DIAPH2: variants seen among roughly 807,000 people sequenced by gnomAD.
DIAPH2 encodes the protein diaphanous related formin 2.
A neutral mutation model predicts 92.7 loss-of-function variants in DIAPH2; 35 were observed. That is an observed-to-expected ratio of 0.38 (90% CI 0.29 to 0.50). The LOEUF is 0.50. Among genes scored for constraint, DIAPH2 ranks in the 20% least tolerant of loss-of-function variants. DIAPH2 has a pLI of 0.94. For missense variants in DIAPH2, 701 were observed against 819.5 expected (o/e 0.86, Z 1.77); for synonymous variants, 301 against 280.4 (o/e 1.07, Z -0.73).
intron 4 of DIAPH2, among the ~76,000 whole-genome samples, chrX:96,875,050 AC>A (rs971172439): frequency 8.9e-6 from 1 of 112,139 alleles, no homozygotes; most frequent in African/African-American, 3.2e-5. Flanking sequence ...TGTGGCCAAA[AC>A]TTTGTTTCAT....
At chrX:97,398,741 A>AT (rs1402119361) in intron 25 of DIAPH2, among the ~76,000 whole-genome samples, 1,805 of 95,908 alleles carry the variant, frequency 0.019, 46 homozygotes, top group African/African-American at 0.058. Context: ...GAAGGATGTG[A>AT]TTTTTTTTTT....
chrX:96,729,247 G>A (rs957270928), intron 1 of DIAPH2, among the ~76,000 whole-genome samples: 7 of 112,031 alleles, frequency 6.2e-5, no homozygotes, highest in Admixed American at 3.8e-4. Flanking sequence ...GCGGTTCCCA[G>A]CTTGAAGAGG....
intron 24 of DIAPH2, among the ~76,000 whole-genome samples, chrX:97,379,736 G>C (rs2069535299): frequency 8.9e-6 from 1 of 111,896 alleles, no homozygotes; most frequent in African/African-American, 3.2e-5. Context: ...CTCTGGAATA[G>C]GAAGCCATTA....
At chrX:96,921,689 C>T (rs2065544737) in intron 9 of DIAPH2, among the ~76,000 whole-genome samples, 1 of 91,194 alleles carries the variant, frequency 1.1e-5, no homozygotes, top group Non-Finnish European at 2.2e-5. Flanking sequence ...TTGTTCTCTA[C>T]CTTTATGGTT....
intron 1 of DIAPH2, among the ~76,000 whole-genome samples, chrX:96,696,964 A>G (rs137937546): frequency 1.1e-3 from 124 of 111,812 alleles, no homozygotes; most frequent in African/African-American, 3.9e-3. Context: ...TATGACCATA[A>G]GTCCCATCGT....
intron 17 of DIAPH2, among the ~76,000 whole-genome samples, chrX:97,068,408 G>T (rs2066647123): frequency 9.0e-6 from 1 of 111,386 alleles, no homozygotes; most frequent in Non-Finnish European, 1.9e-5. Context: ...TGTTATTTTT[G>T]TTTTTTAATA....
At chrX:97,438,861 A>G in intron 26 of DIAPH2, among the ~76,000 whole-genome samples, 1 of 112,151 alleles carries the variant, frequency 8.9e-6, no homozygotes, top group South Asian at 3.7e-4. Context: ...ACTAATAATT[A>G]TGCCAAATTT....
At chrX:97,378,128 A>G (rs1010944826) in intron 24 of DIAPH2, among the ~76,000 whole-genome samples, 5 of 110,220 alleles carry the variant, frequency 4.5e-5, no homozygotes. Flanking sequence ...CACACCTACA[A>G]TCCCAGCACT....
chrX:97,181,489 G>A lies in DIAPH2; in HGVS notation c.2719+39695G>A, dbSNP rs748927779. Among the ~76,000 whole-genome samples the A allele has an allele frequency of 5.4e-5, 6 of 111,758 alleles. No individual in the cohort carries two copies. The South Asian group carries it at 1.1e-3, about 21-fold the overall frequency. Reference sequence around the variant, plus strand: ...TGCAATGGTACAATCTTGGCTCACCGCAACCTCCGTCTCCCAGGTTCAAGC... The same window carrying A: ...TGCAATGGTACAATCTTGGCTCACCACAACCTCCGTCTCCCAGGTTCAAGC... On this transcript the variant is annotated intron_variant, in intron 22 of 26. Transcript: ENST00000324765.
chrX:97,103,628 T>C lies in DIAPH2; in HGVS notation c.2349+3833T>C, dbSNP rs1340250706. Among the ~76,000 whole-genome samples the C allele has an allele frequency of 2.7e-5, 3 of 112,016 alleles. No individual in the cohort carries two copies. The East Asian group carries it at 8.4e-4, about 31-fold the overall frequency. On this transcript the variant is annotated intron_variant, in intron 20 of 26. Coordinates refer to ENST00000324765, the MANE Select transcript of DIAPH2 (RefSeq NM_006729.5). The stretch of plus-strand genomic sequence containing the variant: ...ACCATTACAATATACATTTATCTTG[T>C]TTTTCCCGCTACCACTTTTGCCCTT...
At chrX:97,009,752 G>C (rs761468630) in intron 17 of DIAPH2, among the ~76,000 whole-genome samples, 2 of 111,941 alleles carry the variant, frequency 1.8e-5, no homozygotes, top group Non-Finnish European at 3.8e-5. Context: ...TGCAGTGGGG[G>C]CTTTAGGACT....
chrX:96,851,971 T>C (rs1454790684), intron 4 of DIAPH2, among the ~76,000 whole-genome samples: 1 of 112,174 alleles, frequency 8.9e-6, no homozygotes, highest in East Asian at 2.8e-4. Flanking sequence ...ATGATCGTAT[T>C]TTTTTGCTAT....
At chrX:97,103,080 T>A (rs1474180293) in intron 20 of DIAPH2, among the ~76,000 whole-genome samples, 2 of 112,031 alleles carry the variant, frequency 1.8e-5, no homozygotes, top group Non-Finnish European at 3.8e-5. Context: ...TGCTCCTGGG[T>A]TGTGGGTATG....
chrX:97,117,747 A>G (rs771187327), intron 21 of DIAPH2, among the ~76,000 whole-genome samples: 1 of 112,234 alleles, frequency 8.9e-6, no homozygotes, highest in Admixed American at 9.4e-5. Flanking sequence ...CAAAATGTCA[A>G]CACTAAAGGG....
intron 4 of DIAPH2, among the ~76,000 whole-genome samples, chrX:96,770,748 C>T (rs1246031390): frequency 2.7e-5 from 3 of 111,514 alleles, no homozygotes; most frequent in Non-Finnish European, 5.7e-5. Flanking sequence ...TAGAAAAACT[C>T]ATTTGGTGAT....
At chrX:97,205,375 G>C (rs1033275063) in intron 22 of DIAPH2, among the ~76,000 whole-genome samples, 1 of 111,588 alleles carries the variant, frequency 9.0e-6, no homozygotes, top group Non-Finnish European at 1.9e-5. Flanking sequence ...ACTAGCATCA[G>C]AGTGAATAGG....
chrX:96,778,957 C>T (rs771262119), intron 4 of DIAPH2, among the ~76,000 whole-genome samples: 2 of 111,480 alleles, frequency 1.8e-5, no homozygotes, highest in East Asian at 5.6e-4. Flanking sequence ...AGTATCTTCC[C>T]TATTTGTCTT....
At chrX:97,355,211 A>G (rs895021386) in intron 24 of DIAPH2, among the ~76,000 whole-genome samples, 4 of 111,818 alleles carry the variant, frequency 3.6e-5, no homozygotes, top group Admixed American at 9.6e-5. Context: ...TGGAAAGTCA[A>G]TGAGTATATC....
At chrX:97,196,219 T>TACAC (rs59276561) in intron 22 of DIAPH2, among the ~76,000 whole-genome samples, 37 of 104,896 alleles carry the variant, frequency 3.5e-4, no homozygotes, top group Admixed American at 1.2e-3. Flanking sequence ...CACACATACA[T>TACAC]ACACACACAC....
Sources: gnomAD v4.1 joint callset for allele counts (sites outside exome capture counted in the v4.1 genomes callset) on GRCh38, gnomAD v4.1.1 for gene constraint, MANE v1.5 for transcripts, NCBI Gene and HGNC (gene_info 2026-07-23, HGNC 2026-07-21) for gene names.